The following RGS8 variants were observed in gnomAD, a reference collection of about 807,000 sequenced individuals.
RGS8 encodes the protein regulator of G-protein signaling 8.
In RGS8, 8 loss-of-function variants were observed where a neutral mutation model predicts 21.7. The ratio of observed to expected loss-of-function variants is 0.37; its 90% CI spans 0.22 to 0.66. The LOEUF (loss-of-function observed/expected upper bound fraction) is 0.66. RGS8 is among the 30% of genes least tolerant of loss of function. The pLI, the probability that RGS8 is intolerant of heterozygous loss-of-function variation, is 0.59. For missense variants in RGS8, 157 were observed against 217.9 expected, an observed-to-expected ratio of 0.72 and a Z score of 1.76; for synonymous variants, 80 against 83.6, an observed-to-expected ratio of 0.96 and a Z score of 0.24.
At chr1:182,650,855 T>G (rs887770358) in intron 5 of RGS8, among the ~76,000 whole-genome samples, 5 of 152,132 alleles carry the variant, frequency 3.3e-5, no homozygotes, top group African/African-American at 1.2e-4. Flanking sequence ...CAGACAATAA[T>G]TATAAACCAT....
downstream of RGS8, chr1:182,645,965 C>T (rs1189918441): frequency 6.6e-6 from 1 of 152,222 alleles, no homozygotes; most frequent in African/African-American, 2.4e-5. Flanking sequence ...CTCTTGACTT[C>T]TGGAAAAGTT....
rs1294543880 is a variant in RGS8, at chr1:182,648,199, T to C, written c.298A>G (p.Lys100Glu). 2.5e-6 allele frequency: 4 copies of C among 1,613,828 alleles called. No individual in the cohort carries two copies. Among genetic ancestry groups the C allele is most frequent in the Non-Finnish European group, 2.5e-6 (3 of 1,179,854 alleles). ...ATCCTATGGGCCTTAGAGACCAGTTTTGCAGTTGACCTGGTCTTCTTGAAC... is the reference window on the plus strand; with the variant it reads ...ATCCTATGGGCCTTAGAGACCAGTTCTGCAGTTGACCTGGTCTTCTTGAAC... Residue 100 changes from lysine (K) to glutamate (E), a missense_variant, in exon 6 of 7, where the codon AAA (lysine) becomes GAA (glutamate). By Grantham distance (56) the Lys-to-Glu change is moderately conservative. Coordinates refer to ENST00000483095, the Ensembl canonical transcript of RGS8.
At chr1:182,714,545 G>A in the RGS8 span, 1 of 152,166 alleles carries the variant, frequency 6.6e-6, no homozygotes, top group Non-Finnish European at 1.5e-5. Flanking sequence ...GGAAGAAAAA[G>A]ACTGTTTTTA....
the RGS8 span, among the ~76,000 whole-genome samples, chr1:182,697,117 C>G: frequency 6.6e-6 from 1 of 152,188 alleles, no homozygotes; most frequent in Admixed American, 6.5e-5. Flanking sequence ...CCAACCCAAG[C>G]CATAAAGCCA....
the RGS8 span, among the ~76,000 whole-genome samples, chr1:182,739,768 G>A: frequency 1.8e-4 from 27 of 152,042 alleles, no homozygotes; most frequent in Non-Finnish European, 1.8e-4. Context: ...CCACCCAGAA[G>A]CCCTTGCGCC....
chr1:182,672,683 C>A, upstream of RGS8: 1 of 994,512 alleles, frequency 1.0e-6, no homozygotes, highest in Non-Finnish European at 1.6e-6. Flanking sequence ...CACCTCTCTC[C>A]CTCATCCATC....
chr1:182,704,443 C>G, the RGS8 span, among the ~76,000 whole-genome samples: 14 of 152,190 alleles, frequency 9.2e-5, no homozygotes, highest in Non-Finnish European at 1.9e-4. Flanking sequence ...CTGCATTACA[C>G]TACCCCTAGA....
At chr1:182,708,680 C>A in the RGS8 span, among the ~76,000 whole-genome samples, 1 of 152,338 alleles carries the variant, frequency 6.6e-6, no homozygotes, top group South Asian at 2.1e-4. Flanking sequence ...TGCATTGAGG[C>A]CCTCAAACCC....
At chr1:182,748,186 G>A in the RGS8 span, among the ~76,000 whole-genome samples, 2 of 152,142 alleles carry the variant, frequency 1.3e-5, no homozygotes, top group African/African-American at 4.8e-5. Context: ...TTGTGTTGCT[G>A]TACAATAGAT....
chr1:182,657,390 A>C (rs1663338191), intron 5 of RGS8, among the ~76,000 whole-genome samples: 1 of 152,100 alleles, frequency 6.6e-6, no homozygotes, highest in South Asian at 2.1e-4. Context: ...AGTTGGTTCC[A>C]AATACAGGAT....
chr1:182,744,816 C>CA, the RGS8 span, among the ~76,000 whole-genome samples: 1 of 152,182 alleles, frequency 6.6e-6, no homozygotes, highest in African/African-American at 2.4e-5. Flanking sequence ...TCTGTATTTA[C>CA]AGTGTTGTCC....
At chr1:182,720,993 AT>A in the RGS8 span, among the ~76,000 whole-genome samples, 1 of 98,412 alleles carries the variant, frequency 1.0e-5, no homozygotes, top group Non-Finnish European at 2.1e-5. Context: ...ACACATATAT[AT>A]GTGTGTATAT....
chr1:182,687,287 T>C (rs1243026709), upstream of RGS8, among the ~76,000 whole-genome samples: 1 of 152,188 alleles, frequency 6.6e-6, no homozygotes, highest in Non-Finnish European at 1.5e-5. Context: ...AAGGGATCCT[T>C]GGGCCTCAGC....
chr1:182,660,317 T>C (rs1472581407), intron 5 of RGS8, among the ~76,000 whole-genome samples: 1 of 152,170 alleles, frequency 6.6e-6, no homozygotes, highest in East Asian at 1.9e-4. Context: ...GTTAGAAGCC[T>C]GTCCAGTTGT....
exon 1 of RGS8, chr1:182,671,904 T>C (rs1440643500): frequency 3.0e-5 from 44 of 1,468,722 alleles, no homozygotes; most frequent in Non-Finnish European, 3.7e-5. Context: ...TTCTCTCTGC[T>C]TGTCACATCC....
chr1:182,718,072 G>A, the RGS8 span, among the ~76,000 whole-genome samples: 12 of 152,328 alleles, frequency 7.9e-5, no homozygotes, highest in South Asian at 2.5e-3. Flanking sequence ...GTGCTGAGAT[G>A]TAGACAAGTT....
the RGS8 span, among the ~76,000 whole-genome samples, chr1:182,720,147 TAA>T: frequency 1.3e-5 from 2 of 152,266 alleles, no homozygotes; most frequent in Non-Finnish European, 2.9e-5. Flanking sequence ...CTGAAGATTT[TAA>T]AAAGTCTTCT....
the RGS8 span, among the ~76,000 whole-genome samples, chr1:182,692,448 A>T: frequency 5.9e-5 from 9 of 152,148 alleles, no homozygotes; most frequent in Non-Finnish European, 4.4e-5. Context: ...TAGGAATTAC[A>T]AAACACTACT....
intron 1 of RGS8, among the ~76,000 whole-genome samples, chr1:182,678,239 G>T (rs1368299640): frequency 3.9e-5 from 6 of 152,136 alleles, no homozygotes; most frequent in East Asian, 1.9e-4. Flanking sequence ...GGTACGTAGG[G>T]ACTCATTGTT....
Sources: gnomAD v4.1 joint callset for allele counts (sites outside exome capture counted in the v4.1 genomes callset) on GRCh38, gnomAD v4.1.1 for gene constraint, MANE v1.5 for transcripts, NCBI Gene and HGNC (gene_info 2026-07-23, HGNC 2026-07-21) for gene names.